The following PLEKHG1 variants were observed in gnomAD, a reference collection of about 807,000 sequenced individuals.
PLEKHG1 encodes the protein pleckstrin homology domain-containing family G member 1.
Under a neutral mutation model 100.8 loss-of-function variants are expected in PLEKHG1, and 44 were observed. The ratio of observed to expected loss-of-function variants is 0.44; its 90% CI spans 0.34 to 0.56. The LOEUF (loss-of-function observed/expected upper bound fraction) is 0.56, where lower values mean the gene tolerates loss of function less well. Ranked by LOEUF, PLEKHG1 falls within the 20% of genes least tolerant of loss-of-function variation. The probability of loss-of-function intolerance (pLI) is 0.01; values close to 1 mark genes in which losing one functional copy is unlikely to be tolerated. For missense variants in PLEKHG1, 1,545 were observed against 1,720.9 expected (o/e 0.90, Z 1.81); for synonymous variants, 640 against 662.5 (o/e 0.97, Z 0.52).
chr6:150,724,225 C>T (rs1781840431), intron 1 of PLEKHG1, among the ~76,000 whole-genome samples: 2 of 152,236 alleles, frequency 1.3e-5, no homozygotes, highest in Admixed American at 6.5e-5. Context: ...GTAATAAAAT[C>T]TAATGTCTTG....
chr6:150,777,913 G>A (rs569990129), intron 3 of PLEKHG1, among the ~76,000 whole-genome samples: 9 of 152,268 alleles, frequency 5.9e-5, no homozygotes, highest in South Asian at 4.1e-4. Context: ...GAATCATCCC[G>A]TGTCTGGTAT....
chr6:150,627,042 A>T (rs1442903953), intron 1 of PLEKHG1, among the ~76,000 whole-genome samples: 1 of 152,174 alleles, frequency 6.6e-6, no homozygotes, highest in African/African-American at 2.4e-5. Flanking sequence ...GTGTGGCGTG[A>T]TCTCTTGTAA....
Position 150,668,170 on chromosome 6 carries a change from A to T in PLEKHG1, c.-99+17384A>T, listed in dbSNP as rs529787124. 5.9e-5 allele frequency among the ~76,000 whole-genome samples: 9 copies of T among 152,342 alleles called. No homozygotes were observed. The East Asian group carries it at 1.7e-3, about 29-fold the overall frequency. On this transcript the variant is annotated intron_variant, in intron 3 of 3. Coordinates refer to the PLEKHG1 transcript ENST00000367326. Reference sequence around the variant, plus strand: ...ACACATAGCCTGAAGTGAGAAACTCACTGTTGCTTGTGCTTGCCAAAAGCA... The same window carrying T: ...ACACATAGCCTGAAGTGAGAAACTCTCTGTTGCTTGTGCTTGCCAAAAGCA...
At chr6:150,789,205 T>C (rs1011199984) in intron 4 of PLEKHG1, among the ~76,000 whole-genome samples, 22 of 152,348 alleles carry the variant, frequency 1.4e-4, no homozygotes, top group Middle Eastern at 3.4e-3. Context: ...TCTTTCATAA[T>C]TAAATGTCTC....
Position 150,757,561 on chromosome 6 carries a change from ATG to A in PLEKHG1, c.412-11059_412-11058del, listed in dbSNP as rs141610846. ...CAGATTGTCTGTGGTGCACACAAGT[ATG>A]TGTGTGTGTGTGTGTGTATGTGTGT... is the stretch of plus-strand genomic sequence containing the variant. On this transcript the variant is annotated intron_variant, in intron 2 of 15. Transcript: ENST00000358517. Among the ~76,000 whole-genome samples the A allele has an allele frequency of 2.8e-3, 419 of 149,910 alleles. 1 individual carries two copies. Among genetic ancestry groups the A allele is most frequent in the Admixed American group, 5.5e-3 (83 of 15,040 alleles).
chr6:150,701,570 C>T (rs1469264250), intron 3 of PLEKHG1, among the ~76,000 whole-genome samples: 1 of 147,364 alleles, frequency 6.8e-6, no homozygotes, highest in Non-Finnish European at 1.5e-5. Context: ...TCATCATTTA[C>T]ATTAGGTATA....
chr6:150,657,411 G>C (rs979429794), intron 3 of PLEKHG1, among the ~76,000 whole-genome samples: 1 of 152,184 alleles, frequency 6.6e-6, no homozygotes. Flanking sequence ...TTGTGAAAGG[G>C]CCATGTCTTT....
chr6:150,719,497 A>G (rs1781575398), upstream of PLEKHG1, among the ~76,000 whole-genome samples: 1 of 152,192 alleles, frequency 6.6e-6, no homozygotes, highest in South Asian at 2.1e-4. Context: ...CCCAACAGCT[A>G]CCATGCAGGG....
chr6:150,603,397 A>G (rs1776450598), intron 1 of PLEKHG1, among the ~76,000 whole-genome samples: 1 of 152,228 alleles, frequency 6.6e-6, no homozygotes, highest in African/African-American at 2.4e-5. Context: ...TCAGCTTTCA[A>G]GTGATTAAGA....
chr6:150,695,105 G>A (rs1780493330), intron 3 of PLEKHG1, among the ~76,000 whole-genome samples: 2 of 152,170 alleles, frequency 1.3e-5, no homozygotes, highest in South Asian at 4.1e-4. Flanking sequence ...TGTGAACCCT[G>A]TTTTTTCAAA....
intron 3 of PLEKHG1, among the ~76,000 whole-genome samples, chr6:150,686,118 G>A (rs903959988): frequency 6.6e-6 from 1 of 152,266 alleles, no homozygotes; most frequent in African/African-American, 2.4e-5. Flanking sequence ...GCACACGGGA[G>A]CAGTGTTGTG....
intron 10 of PLEKHG1, among the ~76,000 whole-genome samples, chr6:150,817,864 G>A (rs1474508691): frequency 6.6e-6 from 1 of 151,914 alleles, no homozygotes; most frequent in Non-Finnish European, 1.5e-5. Context: ...GCCCAGCCGA[G>A]AATCTGCATT....
chr6:150,822,286 GA>G (rs542368389), intron 13 of PLEKHG1, among the ~76,000 whole-genome samples: 11 of 151,638 alleles, frequency 7.3e-5, no homozygotes, highest in Non-Finnish European at 1.6e-4. Flanking sequence ...AAATAGAAGG[GA>G]AAAAACTATG....
intron 7 of PLEKHG1, among the ~76,000 whole-genome samples, chr6:150,807,569 T>G (rs9478827): frequency 0.054 from 8,211 of 152,264 alleles, 714 homozygotes; most frequent in African/African-American, 0.19. Context: ...AAATCCCACA[T>G]AAATGTCAAA....
Position 150,683,263 on chromosome 6 carries a change from T to C in PLEKHG1, c.-99+32477T>C, listed in dbSNP as rs1303560379. Among the ~76,000 whole-genome samples, 1 of 152,206 alleles carries C rather than the reference T, an allele frequency of 6.6e-6. No individual in the cohort carries two copies. Among genetic ancestry groups the C allele is most frequent in the African/African-American group, 2.4e-5 (1 of 41,462 alleles). ...ATAGGACATTAGCAACAAACACCCA[T>C]GAACGAAAGTTTGTTGTGAGCCACA... On this transcript the variant is annotated intron_variant, in intron 3 of 3. Coordinates refer to the PLEKHG1 transcript ENST00000367326. This position sits in a 1 kb window ranked among gnomAD's most constrained non-coding sequence, Gnocchi z 4.0.
At chr6:150,722,331 CTTTTTTCTTTTTCTTTTCTTTTTTTTTT>C (rs1781726690) in intron 1 of PLEKHG1, among the ~76,000 whole-genome samples, 1 of 97,510 alleles carries the variant, frequency 1.0e-5, no homozygotes, top group Non-Finnish European at 1.9e-5. Context: ...GCCTCCTTTT[CTTTTTTCTTTTTCTTTTCTTTTTTTTTT>C]TTTTTTTTTT....
chr6:150,838,283 T>C lies in PLEKHG1; in HGVS notation c.3095-1550T>C, dbSNP rs56380658. Among the ~76,000 whole-genome samples the C allele has an allele frequency of 4.5e-3, 685 of 152,334 alleles. 3 individuals carry two copies. Among genetic ancestry groups the C allele is most frequent in the East Asian group, 0.018 (91 of 5,186 alleles). On this transcript the variant is annotated intron_variant, in intron 15 of 15. Coordinates refer to ENST00000358517, the Ensembl canonical transcript of PLEKHG1. ...GTGTCAATATGGTCTGAGCAAGTTATAGGATGCGTTAGAGGAACCTTGTCC... is the reference window on the plus strand; with the variant it reads ...GTGTCAATATGGTCTGAGCAAGTTACAGGATGCGTTAGAGGAACCTTGTCC...
intron 3 of PLEKHG1, among the ~76,000 whole-genome samples, chr6:150,705,178 C>T (rs1780953347): frequency 6.6e-6 from 1 of 152,128 alleles, no homozygotes. Flanking sequence ...TTTTGGTTAA[C>T]AATACCATTA....
chr6:150,756,477 C>G (rs1216496340), intron 2 of PLEKHG1, among the ~76,000 whole-genome samples: 3 of 152,162 alleles, frequency 2.0e-5, no homozygotes, highest in Non-Finnish European at 4.4e-5. Context: ...AGCAGATTAC[C>G]TAATGTCGCC....
Sources: gnomAD v4.1 joint callset for allele counts (sites outside exome capture counted in the v4.1 genomes callset) on GRCh38, gnomAD v4.1.1 for gene constraint, Gnocchi (gnomAD v3.1) non-coding constraint, MANE v1.5 for transcripts, NCBI Gene and HGNC (gene_info 2026-07-23, HGNC 2026-07-21) for gene names.